BPIFB1: variants seen among roughly 807,000 people sequenced by gnomAD.
BPIFB1 encodes the protein BPI fold-containing family B member 1.
In BPIFB1, 34 loss-of-function variants were observed where a neutral mutation model predicts 55.1. That is an observed-to-expected ratio of 0.62 (90% CI 0.47 to 0.82). BPIFB1 has a LOEUF of 0.82. Among genes scored for constraint, BPIFB1 ranks in the 40% least tolerant of loss-of-function variants. BPIFB1 has a pLI of 0.00. For missense variants in BPIFB1, 532 were observed against 593.1 expected (o/e 0.90, Z 1.07); for synonymous variants, 236 against 245.3 (o/e 0.96, Z 0.35).
At chr20:33,295,542 T>C (rs560058087) in intron 6 of BPIFB1, among the ~76,000 whole-genome samples, 2 of 151,174 alleles carry the variant, frequency 1.3e-5, no homozygotes, top group Non-Finnish European at 2.9e-5. Flanking sequence ...GGCAGGAGAA[T>C]TGCTTGAACC....
intron 6 of BPIFB1, among the ~76,000 whole-genome samples, chr20:33,294,886 C>T (rs1047694277): frequency 6.6e-6 from 1 of 152,186 alleles, no homozygotes; most frequent in East Asian, 1.9e-4. Context: ...AGGCATAGCA[C>T]GTTTAAGAGG....
At chr20:33,298,536 G>A (rs1345232076) in intron 7 of BPIFB1, among the ~76,000 whole-genome samples, 1 of 148,054 alleles carries the variant, frequency 6.8e-6, no homozygotes, top group Non-Finnish European at 1.5e-5. Context: ...CATGGGCCAC[G>A]CCCTCCCGCT....
At position 33,309,642 on chromosome 20, in the gene BPIFB1, C is replaced by T; in HGVS notation, c.1396-66C>T. 6.6e-7 allele frequency: 1 copy of T among 1,513,510 alleles called. No homozygotes were observed. Among genetic ancestry groups the T allele is most frequent in the Non-Finnish European group, 9.2e-7 (1 of 1,089,344 alleles). The allele number at this position is 1,513,510 out of a possible 1,614,324, so 93.8% of individuals were successfully genotyped here. A position where few individuals can be genotyped will look rare whatever the true frequency, so the allele number is the denominator to read the frequency against. On this transcript the variant is annotated intron_variant, in intron 15 of 15. Coordinates refer to ENST00000253354, the MANE Select transcript of BPIFB1 (RefSeq NM_033197.3). This position sits in a 1 kb window ranked among gnomAD's most constrained non-coding sequence, Gnocchi z 4.4. Reference sequence around the variant, plus strand: ...AGCAGTCACCTTATGGAGGACAAAACCAGCATAAACCACAAGGCAAAAGGT... The same window carrying T: ...AGCAGTCACCTTATGGAGGACAAAATCAGCATAAACCACAAGGCAAAAGGT...
chr20:33,289,584 G>A (rs929522057), intron 3 of BPIFB1, among the ~76,000 whole-genome samples: 1 of 152,168 alleles, frequency 6.6e-6, no homozygotes, highest in Non-Finnish European at 1.5e-5. Context: ...CGGTCAGAAT[G>A]GCTAGAGCTC....
chr20:33,299,333 G>C (rs1286898272), intron 7 of BPIFB1: 11 of 378,462 alleles, frequency 2.9e-5, no homozygotes, highest in Non-Finnish European at 5.4e-5. Flanking sequence ...ATTCTGACGC[G>C]AACACGAGAT....
intron 6 of BPIFB1, among the ~76,000 whole-genome samples, chr20:33,294,635 C>A (rs1980574344): frequency 6.6e-6 from 1 of 152,124 alleles, no homozygotes; most frequent in Non-Finnish European, 1.5e-5. Context: ...CAGCCTCCAG[C>A]AAAATCATAT....
At chr20:33,303,365 C>G (rs75904588) in intron 11 of BPIFB1, among the ~76,000 whole-genome samples, 3,298 of 152,248 alleles carry the variant, frequency 0.022, 131 homozygotes, top group African/African-American at 0.076. Context: ...AATAGCTGGA[C>G]CCAGGTGCTC....
rs2146533744 is a variant in BPIFB1, at chr20:33,301,348, T to C, written c.863T>C (p.Val288Ala). The C allele has an allele frequency of 1.2e-6, 2 of 1,614,188 alleles. No homozygotes were observed. Among genetic ancestry groups the C allele is most frequent in the African/African-American group, 1.3e-5 (1 of 75,046 alleles). The change falls in exon 9 of 16, where the codon GTG (valine) becomes GCG (alanine). Residue 288 changes from valine (V) to alanine (A), a missense_variant. Physicochemically the swap from Val to Ala is moderately conservative, Grantham distance 64. Coordinates refer to ENST00000253354, the MANE Select transcript of BPIFB1 (RefSeq NM_033197.3). ...IPFSLIVSQDVVKAAVAAVLS... is the reference protein window; with the variant it reads ...IPFSLIVSQDAVKAAVAAVLS... ...TTCAGCCTCATCGTGAGTCAGGACG[T>C]GGTGAAAGCTGCAGTGGCTGCTGTG...
chr20:33,303,854 G>A (rs1980931882), intron 11 of BPIFB1, 104 bp from the exon 12 acceptor site: 1 of 1,172,946 alleles, frequency 8.5e-7, no homozygotes. Context: ...CAAGGTCCCA[G>A]AGCCAGGAAC....
intron 15 of BPIFB1, chr20:33,308,006 T>C (rs923893148): frequency 6.6e-6 from 1 of 151,956 alleles, no homozygotes; most frequent in African/African-American, 2.4e-5. Context: ...CTGCAGGCTG[T>C]ACAGGAAACA....
rs865867405 is a variant in BPIFB1, at chr20:33,288,913, G to A, written c.257+31G>A. ...TGGAGCAGGACCACACCAGGAGCTA[G>A]CCCCTTCCCACACCTTTGCCCGGGA... On this transcript the variant is annotated intron_variant, in intron 3 of 15. Coordinates refer to ENST00000253354, the MANE Select transcript of BPIFB1 (RefSeq NM_033197.3). 10 of 1,597,290 alleles carry A rather than the reference G, an allele frequency of 6.3e-6. No homozygotes were observed. The Middle Eastern group carries it at 8.3e-4, about 133-fold the overall frequency.
Position 33,289,918 on chromosome 20 carries a change from G to T in BPIFB1, c.291G>T (p.Leu97=). ...LKVITANILQ[L]QVKPSANDQE... is the part of the protein sequence containing the mutation. ...TCATCACAGCTAACATCCTCCAGCT[G>T]CAGGTGAAGCCCTCGGCCAATGACC... Residue 97 remains leucine, a synonymous_variant, in exon 4 of 16, where the codon CTG becomes CTT. Transcript: ENST00000253354. 6.2e-7 allele frequency: 1 copy of T among 1,614,216 alleles called. No individual in the cohort carries two copies. Among genetic ancestry groups the T allele is most frequent in the Non-Finnish European group, 8.5e-7 (1 of 1,180,042 alleles).
At position 33,291,903 on chromosome 20, in the gene BPIFB1, A is replaced by G. The variant is rs1416628717; in HGVS notation, c.516-4A>G. The G allele has an allele frequency of 6.2e-7, 1 of 1,613,774 alleles. No homozygotes were observed. The highest frequency in any genetic ancestry group is 1.7e-5 in the Admixed American group (1 of 60,018). ...AATGTCTCTCGTGCTCTCTTCCCTG[A>G]AAGGCTCTCCTTCCTGGTGAACGCC... On this transcript the variant is annotated splice_region_variant and splice_polypyrimidine_tract_variant and intron_variant, in intron 5 of 15. Transcript: ENST00000253354.
chr20:33,299,461 A>C (rs1209755957), intron 7 of BPIFB1, among the ~76,000 whole-genome samples: 1 of 152,184 alleles, frequency 6.6e-6, no homozygotes, highest in East Asian at 1.9e-4. Context: ...ACCCAGAACC[A>C]CCTGCATGGG....
In BPIFB1 at chr20:33,300,464, G is replaced by C. The variant is rs564027734; in HGVS notation, c.747+480G>C. ...GATGAAATGAGACCACACCATGCCT[G>C]GCAGACCAGAAGTGCCCAGTAACTG... On this transcript the variant is annotated intron_variant, in intron 8 of 15. Transcript: ENST00000253354. Among the ~76,000 whole-genome samples the C allele has an allele frequency of 2.6e-5, 4 of 152,370 alleles. No homozygotes were observed. In the South Asian group the frequency reaches 6.2e-4, roughly 24 times the overall value.
chr20:33,285,999 C>T, intron 1 of BPIFB1, 34 bp from the exon 2 acceptor site: 1 of 1,423,146 alleles, frequency 7.0e-7, no homozygotes, highest in South Asian at 1.2e-5. Flanking sequence ...TGCCCTTGGC[C>T]CCTCTGCCTC....
chr20:33,307,296 T>C, intron 15 of BPIFB1: 1 of 317,450 alleles, frequency 3.2e-6, no homozygotes, highest in Non-Finnish European at 5.9e-6. Context: ...TCTGAGTGCT[T>C]GAGGCCACCG....
chr20:33,283,510 T>A (rs1162711321), intron 1 of BPIFB1, among the ~76,000 whole-genome samples: 1 of 152,092 alleles, frequency 6.6e-6, no homozygotes, highest in Non-Finnish European at 1.5e-5. Flanking sequence ...ATAAACCCAC[T>A]CTGCACATAC....
In BPIFB1 at chr20:33,300,002, T is replaced by C. The variant is rs973775077; in HGVS notation, c.747+18T>C. The C allele has an allele frequency of 6.2e-7, 1 of 1,607,190 alleles. No individual in the cohort carries two copies. The highest frequency in any genetic ancestry group is 1.3e-5 in the African/African-American group (1 of 74,902). On this transcript the variant is annotated intron_variant, in intron 8 of 15. Transcript: ENST00000253354. ...ACCTGGGGGTGAGTGTCCCAGGACC[T>C]TGAGGGTGAAGTGGGGACATTGCTG...
Sources: allele counts gnomAD v4.1 joint callset (sites outside exome capture counted in the v4.1 genomes callset), GRCh38; gene constraint gnomAD v4.1.1; non-coding constraint Gnocchi (gnomAD v3.1); transcripts MANE v1.5; gene names NCBI Gene and HGNC (gene_info 2026-07-23, HGNC 2026-07-21).